The following ZNRF3 variants were observed in gnomAD, a reference collection of about 807,000 sequenced individuals.
ZNRF3 encodes E3 ubiquitin-protein ligase ZNRF3.
In ZNRF3, 23 loss-of-function variants were observed where a neutral mutation model predicts 72.5. The ratio of observed to expected loss-of-function variants is 0.32; its 90% confidence interval spans 0.23 to 0.45. The LOEUF (loss-of-function observed/expected upper bound fraction) is 0.45, where lower values mean the gene tolerates loss of function less well. ZNRF3 is among the 20% of genes least tolerant of loss of function. ZNRF3 has a pLI of 1.00. For missense variants in ZNRF3, 1,169 were observed against 1,272.1 expected, an observed-to-expected ratio of 0.92 and a Z score of 1.23; for synonymous variants, 610 against 545.3, an observed-to-expected ratio of 1.12 and a Z score of -1.65.
chr22:28,988,369 T>A (rs771495308), intron 2 of ZNRF3, among the ~76,000 whole-genome samples: 12 of 152,122 alleles, frequency 7.9e-5, no homozygotes, highest in Admixed American at 1.3e-4. Context: ...AGGGAAGACT[T>A]TCCAGACTTA....
intron 1 of ZNRF3, among the ~76,000 whole-genome samples, chr22:28,885,443 T>C (rs1336937124): frequency 6.6e-6 from 1 of 152,186 alleles, no homozygotes; most frequent in African/African-American, 2.4e-5. Context: ...TAAAAAAAGT[T>C]GTAATTATGA....
chr22:28,995,306 C>T (rs557565349), intron 2 of ZNRF3, among the ~76,000 whole-genome samples: 11 of 152,008 alleles, frequency 7.2e-5, no homozygotes, highest in African/African-American at 9.7e-5. Context: ...TGGTGGCGGG[C>T]GCCTGTAATC....
intron 1 of ZNRF3, among the ~76,000 whole-genome samples, chr22:28,940,157 G>A (rs757329987): frequency 2.0e-5 from 3 of 152,144 alleles, no homozygotes; most frequent in African/African-American, 4.8e-5. Flanking sequence ...TTTCCTGCTC[G>A]TGCTTAGAGG....
intron 1 of ZNRF3, among the ~76,000 whole-genome samples, chr22:28,896,337 G>T (rs1355858027): frequency 6.6e-6 from 1 of 152,164 alleles, no homozygotes; most frequent in Non-Finnish European, 1.5e-5. Context: ...GTTTCACCAT[G>T]TTGGCCAGGA....
chr22:28,903,038 C>G (rs1328008481), intron 1 of ZNRF3, among the ~76,000 whole-genome samples: 1 of 152,132 alleles, frequency 6.6e-6, no homozygotes, highest in Non-Finnish European at 1.5e-5. Context: ...CCCTTCTCCC[C>G]TAGTGTGGGG....
chr22:28,925,472 T>A (rs1407864847), intron 1 of ZNRF3, among the ~76,000 whole-genome samples: 1 of 152,180 alleles, frequency 6.6e-6, no homozygotes, highest in Non-Finnish European at 1.5e-5. Flanking sequence ...CATTGAATTG[T>A]CTGTAAGTTA....
At chr22:28,918,076 C>T (rs1462579370) in intron 1 of ZNRF3, among the ~76,000 whole-genome samples, 1 of 152,152 alleles carries the variant, frequency 6.6e-6, no homozygotes. Flanking sequence ...GAAGTCCTGC[C>T]TTTCTGTAGT....
chr22:28,891,078 A>T (rs181611098), intron 1 of ZNRF3, among the ~76,000 whole-genome samples: 36 of 152,158 alleles, frequency 2.4e-4, no homozygotes, highest in Admixed American at 1.8e-3. Flanking sequence ...TCTTGATGGT[A>T]TTTTCCCAAG....
Position 29,049,414 on chromosome 22 carries a change from G to C in ZNRF3, c.1233G>C (p.Gln411His), listed in dbSNP as rs946096980. 6.2e-7 allele frequency: 1 copy of C among 1,608,682 alleles called. No homozygotes were observed. Among genetic ancestry groups the C allele is most frequent in the African/African-American group, 1.3e-5 (1 of 74,958 alleles). ...GGGAGCAGAGCCTCTATTCCCCGCA[G>C]ACCCCCGCCTACATCCGCAGCTACC... is the stretch of plus-strand genomic sequence containing the variant. ...RHGEQSLYSP[Q>H]TPAYIRSYPP... The change falls in exon 8 of 9, where the codon CAG becomes CAC. Residue 411 changes from glutamine to histidine, a missense_variant. Transcript: ENST00000544604. This position sits in a 1 kb window ranked among gnomAD's most constrained non-coding sequence, Gnocchi z 5.2.
chr22:28,937,174 A>ATATATATATAT lies in ZNRF3; in HGVS notation c.301-49902_301-49901insTATATATATAT, dbSNP rs1555970638. Among the ~76,000 whole-genome samples, 9 of 78,726 alleles carry ATATATATATAT rather than the reference A, an allele frequency of 1.1e-4. 1 individual carries two copies. The highest frequency in any genetic ancestry group is 5.9e-4 in the African/African-American group (9 of 15,338). The allele number at this position is 78,726 out of a possible 152,430, so 51.6% of individuals were successfully genotyped here. On this transcript the variant is annotated intron_variant, in intron 1 of 8. Transcript: ENST00000544604. ...CGCTGCCAACCTACTTCTCTCTTAT[A>ATATATATATAT]ATATATATATATATATATATATATA...
At chr22:29,000,220 G>A (rs2036118999) in intron 2 of ZNRF3, among the ~76,000 whole-genome samples, 1 of 152,098 alleles carries the variant, frequency 6.6e-6, no homozygotes, top group Non-Finnish European at 1.5e-5. Flanking sequence ...AAGCACTGTT[G>A]GATTAAATAA....
At chr22:28,942,838 T>C (rs1421601744) in intron 1 of ZNRF3, among the ~76,000 whole-genome samples, 1 of 152,212 alleles carries the variant, frequency 6.6e-6, no homozygotes, top group East Asian at 1.9e-4. Flanking sequence ...TCTCCTCTTC[T>C]GTGTGATTGG....
In ZNRF3 at chr22:28,987,215, C is replaced by T. The variant is rs1450028537; in HGVS notation, c.426+14C>T. ...GTCCTAGGCAAGGTAAGCACCAGGC[C>T]CTTGGAATCACTGTGTTTCTGGTTG... On this transcript the variant is annotated intron_variant, in intron 2 of 8. Transcript: ENST00000544604. 1.9e-6 allele frequency: 3 copies of T among 1,601,046 alleles called. No individual in the cohort carries two copies. Among genetic ancestry groups the T allele is most frequent in the Admixed American group, 3.6e-5 (2 of 56,088 alleles).
intron 2 of ZNRF3, among the ~76,000 whole-genome samples, chr22:29,039,409 CT>C (rs2036919280): frequency 6.6e-6 from 1 of 151,834 alleles, no homozygotes; most frequent in South Asian, 2.1e-4. Flanking sequence ...TGAATTGTAC[CT>C]TCCCCGAGGG....
chr22:28,957,740 A>G lies in ZNRF3; in HGVS notation c.301-29336A>G, dbSNP rs117972257. ...AGGTGTGAGCCACCACGCCCGGCCA[A>G]TGACTGTTCTTTTTGAGACCTTGGA... is the stretch of plus-strand genomic sequence containing the variant. On this transcript the variant is annotated intron_variant, in intron 1 of 8. Transcript: ENST00000544604. 1.7e-4 allele frequency among the ~76,000 whole-genome samples: 26 copies of G among 151,834 alleles called. No homozygotes were observed. In the East Asian group the frequency reaches 4.7e-3, roughly 28 times the overall value.
intron 1 of ZNRF3, among the ~76,000 whole-genome samples, chr22:28,897,459 C>T (rs974249222): frequency 1.3e-5 from 2 of 152,172 alleles, no homozygotes; most frequent in Non-Finnish European, 2.9e-5. Flanking sequence ...TAGCTGGGAC[C>T]ACAGAAATGC....
intron 1 of ZNRF3, among the ~76,000 whole-genome samples, chr22:28,888,218 A>G (rs954060786): frequency 1.3e-5 from 2 of 152,214 alleles, no homozygotes; most frequent in African/African-American, 2.4e-5. Context: ...ATCCGATGTT[A>G]AGTAAAGGTA....
rs2034046683 is a variant in ZNRF3, at chr22:28,898,715, G to A, written c.300+14649G>A. Among the ~76,000 whole-genome samples the A allele has an allele frequency of 2.6e-5, 4 of 152,158 alleles. 1 individual carries two copies. The South Asian group carries it at 6.2e-4, about 24-fold the overall frequency. Reference sequence around the variant, plus strand: ...TTTTTCCCTTTGGAAGCTCTGGCATGGGCCTTGATCCTGTGTTTAAGCGCT... The same window carrying A: ...TTTTTCCCTTTGGAAGCTCTGGCATAGGCCTTGATCCTGTGTTTAAGCGCT... On this transcript the variant is annotated intron_variant, in intron 1 of 8. Transcript: ENST00000544604.
rs543084381 is a variant in ZNRF3 at position 28,933,272 on chromosome 22, T to C, written c.300+49206T>C. Among the ~76,000 whole-genome samples the C allele has an allele frequency of 2.9e-3, 441 of 152,360 alleles. 4 individuals carry two copies. Among genetic ancestry groups the C allele is most frequent in the African/African-American group, 0.01 (428 of 41,592 alleles). On this transcript the variant is annotated intron_variant, in intron 1 of 8. Coordinates refer to ENST00000544604, the MANE Select transcript of ZNRF3 (RefSeq NM_001206998.2). ...TTTAAACACTGGGGGGATTGTATAT[T>C]ATAGTTGTTTAAAAATGAATCAATT...
Sources: gnomAD v4.1 joint callset for allele counts (sites outside exome capture counted in the v4.1 genomes callset) on GRCh38, gnomAD v4.1.1 for gene constraint, Gnocchi (gnomAD v3.1) non-coding constraint, MANE v1.5 for transcripts, NCBI Gene and HGNC (gene_info 2026-07-23, HGNC 2026-07-21) for gene names.